The following ZNF692 variants were observed in gnomAD, a reference collection of about 807,000 sequenced individuals.
ZNF692 encodes AICAR responsive element binding protein.
ZNF692 carries 41 observed loss-of-function variants against 49.0 expected under a neutral mutation model. The ratio of observed to expected loss-of-function variants is 0.84; its 90% CI spans 0.65 to 1.08. The LOEUF (loss-of-function observed/expected upper bound fraction) is 1.08, where lower values mean the gene tolerates loss of function less well. ZNF692 is among the 50% of genes least tolerant of loss of function. The probability of loss-of-function intolerance (pLI) is 0.00; values close to 1 mark genes in which losing one functional copy is unlikely to be tolerated. For synonymous variants in ZNF692, 288 were observed against 251.5 expected, an observed-to-expected ratio of 1.15 and a Z score of -1.37; for missense variants, 662 against 662.2, an observed-to-expected ratio of 1.00 and a Z score of 0.00.
chr1:248,855,706 G>A lies in ZNF692; in HGVS notation c.881+19C>T. The A allele has an allele frequency of 6.2e-7, 1 of 1,614,192 alleles. No homozygotes were observed. ...ATCCCAGGACGCCCCTGCCCTTTCT[G>A]TCTCAGCCATCAGGTTACCTGGCCA... On this transcript the variant is annotated intron_variant, in intron 7 of 11. Transcript: ENST00000306601.
chr1:248,855,637 T>C lies in ZNF692; in HGVS notation c.882-2A>G. The C allele has an allele frequency of 1.2e-6, 2 of 1,614,212 alleles. No individual in the cohort carries two copies. The highest frequency in any genetic ancestry group is 1.1e-5 in the South Asian group (1 of 91,082). ...GCAGACTGGGCCTGACTCCCAGTGC[T>C]ACGGGCAGCAAAGAGGGAGCAGAGG... On this transcript the variant is annotated splice_acceptor_variant, in intron 7 of 11. Transcript: ENST00000306601. LOFTEE classifies it high-confidence loss of function.
intron 9 of ZNF692, 36 bp downstream of exon 9, chr1:248,855,344 C>T (rs1166705478): frequency 1.9e-6 from 3 of 1,608,896 alleles, no homozygotes; most frequent in Middle Eastern, 1.7e-4. Context: ...TTCCCCCACC[C>T]CAGCAGCCAC....
At position 248,858,975 on chromosome 1, in the gene ZNF692, T is replaced by C. The variant is rs981121177; in HGVS notation, c.-70A>G. ...CGCCTGCGCCTGCGCCTCCCGGGCC[T>C]AGCGAGCAGGCCCGGAGCTGCTGGA... is the stretch of plus-strand genomic sequence containing the variant. On this transcript the variant is annotated 5_prime_UTR_variant, in exon 1 of 12. Transcript: ENST00000306601. The surrounding 1 kb of genome is among the most constrained non-coding windows in gnomAD (Gnocchi z 4.3). 5.9e-5 allele frequency: 10 copies of C among 170,940 alleles called. No individual in the cohort carries two copies. The highest frequency in any genetic ancestry group is 2.5e-3 in the Middle Eastern group (1 of 400). 10.6% of individuals were successfully genotyped at this position (170,940 alleles called of 1,614,324 possible). A position where few individuals can be genotyped will look rare whatever the true frequency, so the allele number is the denominator to read the frequency against.
chr1:248,855,890 T>C lies in ZNF692; in HGVS notation c.716A>G (p.Glu239Gly), dbSNP rs773408037. The change falls in exon 7 of 12, where the codon GAG becomes GGG. Residue 239 changes from glutamate (E) to glycine (G), a missense_variant. By Grantham distance (98) the Glu-to-Gly change is moderately conservative. Transcript: ENST00000306601. ...TGCAGGGGCTGGTGGTGTCTCCCCC[T>C]CTTTAGGTGTGCAGGTGACAGGGGA... The part of the protein sequence containing the change: ...LPSPVTCTPK[E>G]GETPPAPAAL... The C allele has an allele frequency of 1.9e-6, 3 of 1,614,048 alleles. No homozygotes were observed. Among genetic ancestry groups the C allele is most frequent in the South Asian group, 1.1e-5 (1 of 91,086 alleles).
Position 248,858,245 on chromosome 1 carries a change from G to T in ZNF692, c.65C>A (p.Ala22Glu). Residue 22 changes from alanine (A) to glutamate (E), a missense_variant, in exon 2 of 12, where the codon GCG becomes GAG. Coordinates refer to ENST00000306601, the MANE Select transcript of ZNF692 (RefSeq NM_017865.4). This position sits in a 1 kb window ranked among gnomAD's most constrained non-coding sequence, Gnocchi z 4.3. ...RRREKRRQLD[A>E]RRSKCRIRLG... The stretch of plus-strand genomic sequence containing the variant: ...GCGGATGCGGCACTTGCTGCGGCGC[G>T]CGTCCAGCTGCCGCCGCTTCTCCCG... 1 of 1,584,184 alleles carries T rather than the reference G, an allele frequency of 6.3e-7. No individual in the cohort carries two copies. The highest frequency in any genetic ancestry group is 8.6e-7 in the Non-Finnish European group (1 of 1,165,328).
chr1:248,851,286 C>G (rs1659556155), intron 10 of ZNF692, among the ~76,000 whole-genome samples: 1 of 152,136 alleles, frequency 6.6e-6, no homozygotes, highest in African/African-American at 2.4e-5. Flanking sequence ...GTCCCAAACC[C>G]TATCGGTGCC....
Position 248,855,610 on chromosome 1 carries a change from G to C in ZNF692, c.907C>G (p.Pro303Ala), listed in dbSNP as rs199883909. ...GTGTCCTCATCCCAGGCCGGGGTTGGAGCAGACTGGGCCTGACTCCCAGTG... is the reference window on the plus strand; with the variant it reads ...GTGTCCTCATCCCAGGCCGGGGTTGCAGCAGACTGGGCCTGACTCCCAGTG... The part of the protein sequence containing the change: ...ASTGSQAQSA[P>A]TPAWDEDTAQ... Residue 303 changes from proline (P) to alanine (A), a missense_variant, in exon 8 of 12, where the codon CCA (proline) becomes GCA (alanine). By Grantham distance (27) the Pro-to-Ala change is conservative. Coordinates refer to ENST00000306601, the MANE Select transcript of ZNF692 (RefSeq NM_017865.4). 1.4e-5 allele frequency: 22 copies of C among 1,614,166 alleles called. No individual in the cohort carries two copies. Among genetic ancestry groups the C allele is most frequent in the Non-Finnish European group, 1.9e-5 (22 of 1,180,026 alleles).
intron 3 of ZNF692, 152 bp downstream of exon 3, chr1:248,857,676 C>A: frequency 6.8e-7 from 1 of 1,470,792 alleles, no homozygotes; most frequent in South Asian, 1.4e-5. Flanking sequence ...CTTCCCCACC[C>A]AGAGGTTGCC....
At chr1:248,853,803 G>A (rs1454837318) in intron 10 of ZNF692, 134 bp downstream of exon 10, 9 of 647,168 alleles carry the variant, frequency 1.4e-5, no homozygotes, top group Non-Finnish European at 1.9e-5. Context: ...GGAGGGAGGT[G>A]AAGAAACCCA....
Position 248,855,850 on chromosome 1 carries a change from A to G in ZNF692, c.756T>C (p.Pro252=). The change falls in exon 7 of 12, where the codon CCT becomes CCC. Residue 252 remains proline (P), a synonymous_variant. Transcript: ENST00000306601. ...TPPAPAALSS[P]LAVPALSASS... is the part of the protein sequence containing the mutation. ...ATGCTGACAAGGCCGGCACAGCAAGAGGACTGGAGAGTGCTGCAGGGGCTG... is the reference window on the plus strand; with the variant it reads ...ATGCTGACAAGGCCGGCACAGCAAGGGGACTGGAGAGTGCTGCAGGGGCTG... 1 of 1,614,202 alleles carries G rather than the reference A, an allele frequency of 6.2e-7. No homozygotes were observed. The highest frequency in any genetic ancestry group is 8.5e-7 in the Non-Finnish European group (1 of 1,180,042).
rs1339944124 is a variant in ZNF692, at chr1:248,850,931, G to A, written c.1154-150C>T. ...AGTTGTTATCCAAATCATGGAGCCC[G>A]TCTGGACCTCCCTTACCTGATGGGT... On this transcript the variant is annotated intron_variant, in intron 10 of 11. Transcript: ENST00000306601. 36 of 751,238 alleles carry A rather than the reference G, an allele frequency of 4.8e-5. 1 individual carries two copies. Among genetic ancestry groups the A allele is most frequent in the Non-Finnish European group, 6.6e-5 (28 of 426,420 alleles). 46.5% of individuals were successfully genotyped at this position (751,238 alleles called of 1,614,324 possible).
chr1:248,856,442 A>G lies in ZNF692; in HGVS notation c.525-20T>C, dbSNP rs1057130641. 3 of 1,613,894 alleles carry G rather than the reference A, an allele frequency of 1.9e-6. No individual in the cohort carries two copies. The African/African-American group carries it at 4.0e-5, about 22-fold the overall frequency. ...ACCCTCCTGCAGGCCCAAAGAAGGC[A>G]AGCCTGAGGTCCTGCTCCCTCATCC... is the stretch of plus-strand genomic sequence containing the variant. On this transcript the variant is annotated intron_variant, in intron 5 of 11. Coordinates refer to ENST00000306601, the MANE Select transcript of ZNF692 (RefSeq NM_017865.4).
At chr1:248,850,620 G>A (rs1659451206) in intron 11 of ZNF692, 62 bp downstream of exon 11, 1 of 1,605,860 alleles carries the variant, frequency 6.2e-7, no homozygotes, top group Non-Finnish European at 8.5e-7. Context: ...TATATGCCTA[G>A]CTTCCAGACT....
intron 9 of ZNF692, 87 bp downstream of exon 9, chr1:248,855,293 C>T: frequency 3.0e-6 from 4 of 1,347,196 alleles, no homozygotes; most frequent in Non-Finnish European, 4.2e-6. Flanking sequence ...TGAATCCTCC[C>T]ATGCCTTAAG....
chr1:248,850,869 G>C, intron 10 of ZNF692, 88 bp from the exon 11 acceptor site: 1 of 1,149,728 alleles, frequency 8.7e-7, no homozygotes, highest in Non-Finnish European at 1.2e-6. Context: ...TCACCAGAGT[G>C]CACCGTATTG....
At chr1:248,854,104 T>A in intron 9 of ZNF692, 53 bp from the exon 10 acceptor site, 1 of 1,386,636 alleles carries the variant, frequency 7.2e-7, no homozygotes. Flanking sequence ...ATAGCCACCT[T>A]CCACGGAGAG....
At chr1:248,855,515 C>T (rs1254161177) in intron 8 of ZNF692, 43 bp downstream of exon 8, 4 of 1,613,824 alleles carry the variant, frequency 2.5e-6, no homozygotes, top group East Asian at 4.5e-5. Context: ...CTCTGCCTCC[C>T]TCCTCTCGGC....
Position 248,850,350 on chromosome 1 carries a change from G to A in ZNF692, c.1420C>T (p.Leu474=), listed in dbSNP as rs1431990000. The A allele has an allele frequency of 3.7e-6, 6 of 1,613,968 alleles. No individual in the cohort carries two copies. Among genetic ancestry groups the A allele is most frequent in the Admixed American group, 1.7e-5 (1 of 60,000 alleles). ...AAHRSKSHPA[L]LLAPQESPSG... is the part of the protein sequence containing the mutation. ...GGTGACTCTTGAGGGGCTAGAAGCAGGGCTGGGTGACTTTTGCTACGGTGG... is the reference window on the plus strand; with the variant it reads ...GGTGACTCTTGAGGGGCTAGAAGCAAGGCTGGGTGACTTTTGCTACGGTGG... Residue 474 remains leucine (L), a synonymous_variant, in exon 12 of 12, where the codon CTG becomes TTG. Transcript: ENST00000306601.
chr1:248,858,660 T>C lies in ZNF692; in HGVS notation c.-13+258A>G. The C allele has an allele frequency of 9.4e-7, 1 of 1,060,970 alleles. No homozygotes were observed. Among genetic ancestry groups the C allele is most frequent in the East Asian group, 2.6e-5 (1 of 38,580 alleles). 65.7% of individuals were successfully genotyped at this position (1,060,970 alleles called of 1,614,324 possible). ...CTGGGCTGGGGGCGGTCCACACATT[T>C]CATCTTGAATAGGGCAGCGGCCTTT... On this transcript the variant is annotated intron_variant, in intron 1 of 11. Transcript: ENST00000306601. The surrounding 1 kb of genome is among the most constrained non-coding windows in gnomAD (Gnocchi z 4.3).
Sources: gnomAD v4.1 joint callset for allele counts (sites outside exome capture counted in the v4.1 genomes callset) on GRCh38, gnomAD v4.1.1 for gene constraint, Gnocchi (gnomAD v3.1) non-coding constraint, MANE v1.5 for transcripts, NCBI Gene and HGNC (gene_info 2026-07-23, HGNC 2026-07-21) for gene names.